Variants in STXBP5L observed in about 807,000 individuals in gnomAD.
STXBP5L encodes the protein syntaxin-binding protein 5-like.
STXBP5L carries 65 observed loss-of-function variants against 144.5 expected under a neutral mutation model. The ratio of observed to expected loss-of-function variants is 0.45; its 90% CI spans 0.37 to 0.55. The LOEUF (loss-of-function observed/expected upper bound fraction) is 0.55, where lower values mean the gene tolerates loss of function less well. STXBP5L is among the 20% of genes least tolerant of loss of function. The pLI, the probability that STXBP5L is intolerant of heterozygous loss-of-function variation, is 0.00. For synonymous variants in STXBP5L, 505 were observed against 469.6 expected (o/e 1.08, Z -0.97); for missense variants, 1,298 against 1,405.5 (o/e 0.92, Z 1.22).
chr3:120,964,085 G>C (rs1939237970), intron 3 of STXBP5L, among the ~76,000 whole-genome samples: 1 of 152,040 alleles, frequency 6.6e-6, no homozygotes, highest in African/African-American at 2.4e-5. Flanking sequence ...ATTTTCTGAT[G>C]GTAGTTTGTA....
intron 22 of STXBP5L, among the ~76,000 whole-genome samples, chr3:121,390,735 G>A (rs1167939702): frequency 6.6e-6 from 1 of 152,178 alleles, no homozygotes; most frequent in Admixed American, 6.5e-5. Flanking sequence ...GGCTTGTAGA[G>A]TTTCTGCCAA....
chr3:121,069,444 G>A (rs570859506), intron 5 of STXBP5L, among the ~76,000 whole-genome samples: 1 of 151,678 alleles, frequency 6.6e-6, no homozygotes, highest in African/African-American at 2.4e-5. Context: ...AAGTAAAGCT[G>A]CTATGATCAT....
At chr3:121,323,652 G>T (rs188096184) in intron 20 of STXBP5L, among the ~76,000 whole-genome samples, 4 of 152,270 alleles carry the variant, frequency 2.6e-5, no homozygotes, top group Admixed American at 2.6e-4. Context: ...GCTATTCACT[G>T]AGGATAAACT....
At chr3:121,187,661 A>T (rs1463335860) in intron 9 of STXBP5L, among the ~76,000 whole-genome samples, 1 of 152,132 alleles carries the variant, frequency 6.6e-6, no homozygotes, top group African/African-American at 2.4e-5. Context: ...AGCTAGCATC[A>T]TAAAGACATG....
At chr3:120,942,954 A>C (rs1385219144) in intron 2 of STXBP5L, among the ~76,000 whole-genome samples, 1 of 151,696 alleles carries the variant, frequency 6.6e-6, no homozygotes, top group East Asian at 1.9e-4. Context: ...ATGCCTTTCC[A>C]GAACCTAATG....
chr3:121,082,113 AC>A (rs2042274449), intron 5 of STXBP5L, among the ~76,000 whole-genome samples: 1 of 152,108 alleles, frequency 6.6e-6, no homozygotes, highest in African/African-American at 2.4e-5. Context: ...ATGGCTTTCT[AC>A]CTAAATTTTA....
intron 7 of STXBP5L, among the ~76,000 whole-genome samples, chr3:121,149,743 A>T (rs535958643): frequency 6.6e-6 from 1 of 152,144 alleles, no homozygotes; most frequent in South Asian, 2.1e-4. Context: ...TTAACAAGAA[A>T]ATCAATATGT....
chr3:121,247,508 T>G (rs2049893776), intron 14 of STXBP5L, among the ~76,000 whole-genome samples: 1 of 152,120 alleles, frequency 6.6e-6, no homozygotes, highest in African/African-American at 2.4e-5. Context: ...TGTCTATTGT[T>G]TCTGTGTTTA....
chr3:121,060,697 T>G (rs867485942), intron 5 of STXBP5L, among the ~76,000 whole-genome samples: 1 of 152,224 alleles, frequency 6.6e-6, no homozygotes, highest in African/African-American at 2.4e-5. Context: ...TAGTTTAGAC[T>G]TGGGAGGTTA....
chr3:121,121,592 G>A lies in STXBP5L; in HGVS notation c.606-49G>A, dbSNP rs748934748. ...TCTTTGTTTCAGTCTCTAGTGGTAAGGTATTTTAATGTTTGGTTTTTAATT... is the reference window on the plus strand; with the variant it reads ...TCTTTGTTTCAGTCTCTAGTGGTAAAGTATTTTAATGTTTGGTTTTTAATT... On this transcript the variant is annotated intron_variant, in intron 6 of 26. Coordinates refer to ENST00000471454, the MANE Select transcript of STXBP5L (RefSeq NM_001308330.2). The A allele has an allele frequency of 7.6e-6, 10 of 1,318,056 alleles. No homozygotes were observed. The East Asian group carries it at 2.1e-4, about 28-fold the overall frequency. 81.6% of individuals were successfully genotyped at this position (1,318,056 alleles called of 1,614,324 possible). A position where few individuals can be genotyped will look rare whatever the true frequency, so the allele number is the denominator to read the frequency against.
chr3:121,093,502 A>T (rs2042940833), intron 5 of STXBP5L, among the ~76,000 whole-genome samples: 1 of 152,114 alleles, frequency 6.6e-6, no homozygotes, highest in Admixed American at 6.5e-5. Flanking sequence ...TAGTCTTGGG[A>T]GGGTATATGT....
chr3:121,260,651 C>T (rs955019010), intron 18 of STXBP5L, among the ~76,000 whole-genome samples: 1 of 151,946 alleles, frequency 6.6e-6, no homozygotes, highest in African/African-American at 2.4e-5. Flanking sequence ...AATACCGTTT[C>T]CTGAATACTT....
intron 3 of STXBP5L, among the ~76,000 whole-genome samples, chr3:121,017,800 AAGGTGATGGTTCATGGC>A (rs1945247589): frequency 1.3e-5 from 2 of 152,232 alleles, no homozygotes; most frequent in East Asian, 3.9e-4. Flanking sequence ...GGGGGTGGTG[AAGGTGATGGTTCATGGC>A]TGTAATCACA....
chr3:121,190,949 G>A (rs918216718), intron 9 of STXBP5L, among the ~76,000 whole-genome samples: 12 of 151,394 alleles, frequency 7.9e-5, no homozygotes, highest in African/African-American at 1.7e-4. Flanking sequence ...ACGGGGCGGC[G>A]GGGCAGAGGT....
chr3:121,221,346 G>A (rs929152794), intron 10 of STXBP5L, among the ~76,000 whole-genome samples: 2 of 151,740 alleles, frequency 1.3e-5, no homozygotes, highest in African/African-American at 4.8e-5. Context: ...AAAAAGCAGG[G>A]GGGGTAAATT....
At chr3:121,045,375 G>A in intron 4 of STXBP5L, 60 bp from the exon 5 acceptor site, 1 of 1,475,192 alleles carries the variant, frequency 6.8e-7, no homozygotes, top group Non-Finnish European at 9.2e-7. Context: ...GCTTGTTTGT[G>A]ATTAAAAAAA....
intron 3 of STXBP5L, among the ~76,000 whole-genome samples, chr3:120,964,113 G>T (rs1452348729): frequency 2.6e-5 from 4 of 152,152 alleles, no homozygotes; most frequent in African/African-American, 9.7e-5. Context: ...AGGATCGGTG[G>T]TGATATTCTT....
Position 121,322,978 on chromosome 3 carries a change from G to A in STXBP5L, c.2176+4438G>A, listed in dbSNP as rs528386583. Among the ~76,000 whole-genome samples, 3 of 152,206 alleles carry A rather than the reference G, an allele frequency of 2.0e-5. No homozygotes were observed. In the South Asian group the frequency reaches 6.2e-4, roughly 32 times the overall value. On this transcript the variant is annotated intron_variant, in intron 20 of 26. Coordinates refer to ENST00000471454, the MANE Select transcript of STXBP5L (RefSeq NM_001308330.2). ...TGAGCACTTTTTGATATGTTTGTTG[G>A]CTGCTTGTGTCTTCTTTTGAGAAGT...
intron 10 of STXBP5L, among the ~76,000 whole-genome samples, chr3:121,211,578 CTTTTT>C (rs1188424283): frequency 9.1e-6 from 1 of 110,258 alleles, no homozygotes; most frequent in African/African-American, 3.5e-5. Context: ...TTTTTTCTTT[CTTTTT>C]TTTTTTTTTT....
Sources: allele counts gnomAD v4.1 joint callset (sites outside exome capture counted in the v4.1 genomes callset), GRCh38; gene constraint gnomAD v4.1.1; transcripts MANE v1.5; gene names NCBI Gene and HGNC (gene_info 2026-07-23, HGNC 2026-07-21).